Variants in TXLNB observed in about 807,000 individuals in gnomAD.
TXLNB encodes taxilin beta, also known as beta-taxilin.
In TXLNB, 37 loss-of-function variants were observed where a neutral mutation model predicts 57.4. That is an observed-to-expected ratio of 0.64 (90% CI 0.50 to 0.85). The LOEUF (loss-of-function observed/expected upper bound fraction) is 0.85. TXLNB is among the 40% of genes least tolerant of loss of function. The pLI, the probability that TXLNB is intolerant of heterozygous loss-of-function variation, is 0.00. For synonymous variants in TXLNB, 302 were observed against 309.6 expected (o/e 0.98, Z 0.26); for missense variants, 848 against 825.6 (o/e 1.03, Z -0.33).
At chr6:139,229,025 G>A in the TXLNB span, among the ~76,000 whole-genome samples, 16 of 152,188 alleles carry the variant, frequency 1.1e-4, no homozygotes, top group African/African-American at 3.9e-4. Context: ...CATCCAGACT[G>A]CATGTATCCA....
intron 5 of TXLNB, among the ~76,000 whole-genome samples, chr6:139,262,055 C>A (rs1776496600): frequency 6.6e-6 from 1 of 151,542 alleles, no homozygotes; most frequent in Non-Finnish European, 1.5e-5. Context: ...AGGCGCCCAC[C>A]ACCACGCCTG....
the TXLNB span, among the ~76,000 whole-genome samples, chr6:139,315,362 A>C: frequency 1.3e-5 from 2 of 152,206 alleles, no homozygotes; most frequent in Non-Finnish European, 2.9e-5. Context: ...TGGCCATTGC[A>C]ATTGCCCTGT....
At chr6:139,195,574 C>A in the TXLNB span, among the ~76,000 whole-genome samples, 2 of 152,102 alleles carry the variant, frequency 1.3e-5, no homozygotes, top group East Asian at 3.8e-4. Flanking sequence ...TCAAAAGAAC[C>A]AGAAAAACCG....
the TXLNB span, among the ~76,000 whole-genome samples, chr6:139,316,616 T>C: frequency 0.39 from 59,035 of 152,166 alleles, 11,739 homozygotes; most frequent in Middle Eastern, 0.48. Context: ...AAGTCTTCCT[T>C]ACTGTGCTTT....
chr6:139,204,762 C>CCT, the TXLNB span, among the ~76,000 whole-genome samples: 25 of 152,308 alleles, frequency 1.6e-4, no homozygotes, highest in South Asian at 5.2e-3. Context: ...AAACCCAGCA[C>CCT]TGTTAGCAGG....
the TXLNB span, among the ~76,000 whole-genome samples, chr6:139,186,820 C>T: frequency 2.6e-5 from 4 of 152,158 alleles, no homozygotes; most frequent in Non-Finnish European, 5.9e-5. Context: ...ACACCATGGA[C>T]GGACCTCAAA....
At chr6:139,197,742 A>G in the TXLNB span, 7,665 of 152,210 alleles carry the variant, frequency 0.05, 212 homozygotes, top group African/African-American at 0.064. Context: ...ATTGACTCAT[A>G]TTTCTGGAGG....
rs768274208 is a variant in TXLNB, at chr6:139,242,948, G to C, written c.1633C>G (p.Pro545Ala). 79 of 1,614,090 alleles carry C rather than the reference G, an allele frequency of 4.9e-5. No individual in the cohort carries two copies. In the Admixed American group the frequency reaches 1.2e-3, roughly 25 times the overall value. Residue 545 changes from proline to alanine, a missense_variant, in exon 10 of 10, where the codon CCT becomes GCT. Pro to Ala is a conservative substitution (Grantham distance 27). Coordinates refer to ENST00000358430, the MANE Select transcript of TXLNB (RefSeq NM_153235.4). ...TCTGAATCCCGTGAAGGGATCAGAG[G>C]GGGTTGCTCTGGCTCCTTGAGAGCG... The part of the protein sequence containing the change: ...DAALKEPEQP[P>A]LIPSRDSESP...
chr6:139,186,951 A>G, the TXLNB span, among the ~76,000 whole-genome samples: 1 of 152,210 alleles, frequency 6.6e-6, no homozygotes, highest in African/African-American at 2.4e-5. Context: ...AGATGGGTGG[A>G]GGAATATTAA....
the TXLNB span, among the ~76,000 whole-genome samples, chr6:139,208,663 T>C: frequency 3.3e-5 from 5 of 152,130 alleles, no homozygotes; most frequent in African/African-American, 1.2e-4. Flanking sequence ...ATGTGATATA[T>C]CACATAAACA....
chr6:139,281,918 G>C (rs1200895995), intron 2 of TXLNB, among the ~76,000 whole-genome samples: 1 of 148,868 alleles, frequency 6.7e-6, no homozygotes, highest in Admixed American at 6.6e-5. Flanking sequence ...AAAAATATTA[G>C]AAAAAACAGT....
At chr6:139,272,767 C>T (rs1176505690) in intron 3 of TXLNB, among the ~76,000 whole-genome samples, 1 of 152,160 alleles carries the variant, frequency 6.6e-6, no homozygotes, top group African/African-American at 2.4e-5. Flanking sequence ...GGCACGGTGG[C>T]TCATGCCTGT....
chr6:139,161,953 T>A, the TXLNB span, among the ~76,000 whole-genome samples: 5 of 152,250 alleles, frequency 3.3e-5, no homozygotes, highest in Admixed American at 3.3e-4. Context: ...TTCTTTTTGT[T>A]GTGCTTCAGT....
intron 6 of TXLNB, among the ~76,000 whole-genome samples, chr6:139,259,686 A>G (rs1347710525): frequency 6.6e-6 from 1 of 152,050 alleles, no homozygotes; most frequent in Non-Finnish European, 1.5e-5. Context: ...GTCTCTTTCC[A>G]GTTAGACTCT....
chr6:139,208,514 T>G, the TXLNB span, among the ~76,000 whole-genome samples: 1 of 152,088 alleles, frequency 6.6e-6, no homozygotes, highest in East Asian at 1.9e-4. Flanking sequence ...GACCAATATC[T>G]GTGATGAACA....
At chr6:139,296,942 A>G (rs1777399656), upstream of TXLNB, among the ~76,000 whole-genome samples, 1 of 152,102 alleles carries the variant, frequency 6.6e-6, no homozygotes, top group African/African-American at 2.4e-5. Flanking sequence ...CCATCCTACT[A>G]TTTGTAGTCT....
intron 4 of TXLNB, among the ~76,000 whole-genome samples, chr6:139,265,238 G>C (rs1436359911): frequency 6.6e-6 from 1 of 152,186 alleles, no homozygotes. Context: ...GACAACAAAT[G>C]CTTCTCATTT....
At chr6:139,237,362 G>A (rs1007729863), downstream of TXLNB, 2 of 151,908 alleles carry the variant, frequency 1.3e-5, no homozygotes, top group Non-Finnish European at 1.5e-5. Flanking sequence ...TCTTTATTTT[G>A]GGTGTGGTGG....
At chr6:139,320,070 T>C in the TXLNB span, among the ~76,000 whole-genome samples, 1 of 152,204 alleles carries the variant, frequency 6.6e-6, no homozygotes, top group African/African-American at 2.4e-5. Flanking sequence ...TTTTAAATTA[T>C]AATTTGTTAA....
Sources: gnomAD v4.1 joint callset for allele counts (sites outside exome capture counted in the v4.1 genomes callset) on GRCh38, gnomAD v4.1.1 for gene constraint, MANE v1.5 for transcripts, NCBI Gene and HGNC (gene_info 2026-07-23, HGNC 2026-07-21) for gene names.